The following MACF1 variants were observed in gnomAD, a reference collection of about 807,000 sequenced individuals.
The protein encoded by MACF1 is microtubule-actin cross-linking factor 1.
Under a neutral mutation model 854.8 loss-of-function variants are expected in MACF1, and 193 were observed. That is an observed-to-expected ratio of 0.23 (90% CI 0.20 to 0.25). The LOEUF (loss-of-function observed/expected upper bound fraction) is 0.25, where lower values mean the gene tolerates loss of function less well. Ranked by LOEUF, MACF1 falls within the 10% of genes least tolerant of loss-of-function variation. MACF1 has a pLI of 1.00. For synonymous variants in MACF1, 3,185 were observed against 3,226.7 expected (o/e 0.99, Z 0.44); for missense variants, 7,722 against 8,929.1 (o/e 0.86, Z 5.45).
chr1:39,224,660 G>A (rs1207849324), intron 1 of MACF1, among the ~76,000 whole-genome samples: 1 of 151,906 alleles, frequency 6.6e-6, no homozygotes, highest in Non-Finnish European at 1.5e-5. Flanking sequence ...AGAGAACCAG[G>A]AGAGAGAGAG....
At chr1:39,097,182 A>G (rs1461594087) in intron 2 of MACF1, among the ~76,000 whole-genome samples, 1 of 151,776 alleles carries the variant, frequency 6.6e-6, no homozygotes, top group Non-Finnish European at 1.5e-5. Flanking sequence ...TGGCCTCTTC[A>G]TGAGGGATTC....
intron 6 of MACF1, among the ~76,000 whole-genome samples, chr1:39,280,725 G>T (rs570447500): frequency 6.6e-6 from 1 of 152,016 alleles, no homozygotes; most frequent in Admixed American, 6.5e-5. Flanking sequence ...CTACAGGTGC[G>T]TGCCACCATG....
At chr1:39,198,423 C>A (rs571490719) in intron 2 of MACF1, among the ~76,000 whole-genome samples, 1 of 151,642 alleles carries the variant, frequency 6.6e-6, no homozygotes, top group African/African-American at 2.4e-5. Flanking sequence ...GAGGCTGAGG[C>A]GGGTGGATCA....
rs771937045 is a variant in MACF1, at chr1:39,204,975, C to T, written c.-48C>T. ...CAGGAGAAAGGCATCCAGAGGCCTGCGCTGAGCTTGTGGCTAACTCAAGGG... is the reference window on the plus strand; with the variant it reads ...CAGGAGAAAGGCATCCAGAGGCCTGTGCTGAGCTTGTGGCTAACTCAAGGG... On this transcript the variant is annotated 5_prime_UTR_variant, in exon 1 of 101. Transcript: ENST00000564288. 6 of 701,690 alleles carry T rather than the reference C, an allele frequency of 8.6e-6. No individual in the cohort carries two copies. The highest frequency in any genetic ancestry group is 4.0e-5 in the Admixed American group (2 of 49,952). 43.5% of individuals were successfully genotyped at this position (701,690 alleles called of 1,614,324 possible).
chr1:39,233,943 G>A (rs541088202), intron 2 of MACF1, among the ~76,000 whole-genome samples: 2 of 145,190 alleles, frequency 1.4e-5, no homozygotes, highest in East Asian at 4.0e-4. Flanking sequence ...GCGGCCTTCC[G>A]CAGTGTTTGT....
At chr1:39,419,842 T>TGTGTGTGTG (rs1570001243) in intron 58 of MACF1, among the ~76,000 whole-genome samples, 4 of 150,696 alleles carry the variant, frequency 2.7e-5, no homozygotes, top group African/African-American at 7.4e-5. Context: ...TGTGTGTGTG[T>TGTGTGTGTG]ATTTTTAGTA....
rs141216744 is a variant in MACF1 at position 39,460,863 on chromosome 1, T to C, written c.21523+69T>C. 7.1e-6 allele frequency: 11 copies of C among 1,557,172 alleles called. No homozygotes were observed. The East Asian group carries it at 2.5e-4, about 35-fold the overall frequency. On this transcript the variant is annotated intron_variant, in intron 92 of 100. Coordinates refer to ENST00000564288, the MANE Select transcript of MACF1 (RefSeq NM_001394062.1). This position sits in a 1 kb window ranked among gnomAD's most constrained non-coding sequence, Gnocchi z 4.1. Reference sequence around the variant, plus strand: ...CTTGCACTTTGTAGAAGCTGTGATATTCTAGCTAAACAGTCTTTCTGAAGC... The same window carrying C: ...CTTGCACTTTGTAGAAGCTGTGATACTCTAGCTAAACAGTCTTTCTGAAGC...
intron 22 of MACF1, among the ~76,000 whole-genome samples, chr1:39,301,591 A>T (rs569426087): frequency 6.7e-6 from 1 of 149,866 alleles, no homozygotes; most frequent in East Asian, 2.0e-4. Context: ...ACGCCCAGCT[A>T]ATTTTTTGTA....
chr1:39,226,161 G>A (rs922322377), intron 1 of MACF1, among the ~76,000 whole-genome samples: 1 of 152,078 alleles, frequency 6.6e-6, no homozygotes, highest in African/African-American at 2.4e-5. Flanking sequence ...CTTGGGAAGG[G>A]CTTGTAATCA....
At chr1:39,218,085 A>C in intron 1 of MACF1, among the ~76,000 whole-genome samples, 1 of 145,808 alleles carries the variant, frequency 6.9e-6, no homozygotes, top group East Asian at 2.2e-4. Context: ...CGGGAGGCTG[A>C]GGCAGGAGAA....
chr1:39,425,963 CAAAT>C (rs1643713669), intron 61 of MACF1, among the ~76,000 whole-genome samples: 1 of 152,084 alleles, frequency 6.6e-6, no homozygotes, highest in South Asian at 2.1e-4. Flanking sequence ...TAAATAGAAA[CAAAT>C]AACAAGAGTA....
In MACF1 at chr1:39,331,868, G is replaced by A; in HGVS notation, c.5280G>A (p.Gln1760=). ...RAVQEGLIDR[Q]VTVRLLEAQL... is the part of the protein sequence containing the mutation. ...TTCAGGAAGGGCTAATAGATAGGCA[G>A]GTCACTGTCCGGTTGCTGGAAGCTC... Residue 1760 remains glutamine, a synonymous_variant, in exon 37 of 101, where the codon CAG becomes CAA. Transcript: ENST00000564288. 2 of 1,614,098 alleles carry A rather than the reference G, an allele frequency of 1.2e-6. No homozygotes were observed. Among genetic ancestry groups the A allele is most frequent in the Non-Finnish European group, 1.7e-6 (2 of 1,180,010 alleles).
Position 39,442,725 on chromosome 1 carries a change from T to C in MACF1, c.19116T>C (p.Asn6372=). 6.2e-7 allele frequency: 1 copy of C among 1,613,808 alleles called. No individual in the cohort carries two copies. The highest frequency in any genetic ancestry group is 1.3e-5 in the African/African-American group (1 of 75,050). Residue 6372 remains asparagine (N), a synonymous_variant, in exon 78 of 101, where the codon AAT becomes AAC. Coordinates refer to ENST00000564288, the MANE Select transcript of MACF1 (RefSeq NM_001394062.1). ...VELAKHHVLK[N]DVLAHQATVE... is the part of the protein sequence containing the mutation. ...TCAACATGTTTTAGGTCCTAAAAAA[T>C]GATGTTTTGGCTCATCAAGCCACAG...
At chr1:39,100,349 G>A (rs1406906682) in intron 2 of MACF1, among the ~76,000 whole-genome samples, 1 of 152,172 alleles carries the variant, frequency 6.6e-6, no homozygotes, top group African/African-American at 2.4e-5. Flanking sequence ...CTGATTATAG[G>A]GAAAGGAGGT....
intron 58 of MACF1, chr1:39,411,076 T>G: frequency 6.2e-7 from 1 of 1,613,646 alleles, no homozygotes; most frequent in Admixed American, 1.7e-5. Context: ...TAAGGGAGGC[T>G]TCAGTGAGAA....
At chr1:39,186,756 T>C (rs530755) in intron 2 of MACF1, among the ~76,000 whole-genome samples, 144,860 of 151,932 alleles carry the variant, frequency 0.95, 69,134 homozygotes, top group East Asian at 1. Context: ...TATAGGTGTG[T>C]ACCACTGCGC....
chr1:39,485,256 C>G, intron 100 of MACF1: 1 of 436,534 alleles, frequency 2.3e-6, no homozygotes, highest in Non-Finnish European at 4.1e-6. Flanking sequence ...CCCACCTGTG[C>G]TGAGGTGGTT....
chr1:39,431,979 G>A (rs1431765606), intron 66 of MACF1, among the ~76,000 whole-genome samples: 1 of 152,188 alleles, frequency 6.6e-6, no homozygotes, highest in African/African-American at 2.4e-5. Context: ...CTGTCTCTGA[G>A]GGGGCAGGGA....
chr1:39,368,087 C>CT, intron 49 of MACF1, 61 bp from the exon 50 acceptor site: 1 of 1,412,738 alleles, frequency 7.1e-7, no homozygotes. Context: ...TTCCTTATTC[C>CT]TTTTTAGAGT....
Sources: gnomAD v4.1 joint callset for allele counts (sites outside exome capture counted in the v4.1 genomes callset) on GRCh38, gnomAD v4.1.1 for gene constraint, Gnocchi (gnomAD v3.1) non-coding constraint, MANE v1.5 for transcripts, NCBI Gene and HGNC (gene_info 2026-07-23, HGNC 2026-07-21) for gene names.